SPATA13: variants seen among roughly 807,000 people sequenced by gnomAD.
SPATA13 encodes spermatogenesis associated 13.
In SPATA13, 50 loss-of-function variants were observed where a neutral mutation model predicts 104.0. The ratio of observed to expected loss-of-function variants is 0.48; its 90% confidence interval spans 0.38 to 0.61. The LOEUF (loss-of-function observed/expected upper bound fraction) is 0.61. Ranked by LOEUF, SPATA13 falls within the 20% of genes least tolerant of loss-of-function variation. SPATA13 has a pLI of 0.00. For synonymous variants in SPATA13, 606 were observed against 667.5 expected, an observed-to-expected ratio of 0.91 and a Z score of 1.42; for missense variants, 1,524 against 1,690.6, an observed-to-expected ratio of 0.90 and a Z score of 1.73.
intron 1 of SPATA13, among the ~76,000 whole-genome samples, chr13:24,202,523 T>A (rs113793313): frequency 9.1e-5 from 2 of 21,886 alleles, no homozygotes; most frequent in Non-Finnish European, 1.1e-4. Context: ...TCTTTCCCTT[T>A]TTTTTTTTTT....
intron 3 of SPATA13, among the ~76,000 whole-genome samples, chr13:24,062,446 C>T (rs529351499): frequency 3.3e-5 from 5 of 152,274 alleles, no homozygotes; most frequent in East Asian, 3.9e-4. Flanking sequence ...CCAGGGTGCA[C>T]GGTGCTGGGA....
intron 3 of SPATA13, among the ~76,000 whole-genome samples, chr13:24,144,746 G>T (rs1356847920): frequency 3.3e-5 from 5 of 152,092 alleles, no homozygotes; most frequent in African/African-American, 1.2e-4. Context: ...CTTGACCAGG[G>T]TCGGAAGAGG....
intron 3 of SPATA13, among the ~76,000 whole-genome samples, chr13:24,141,099 C>T (rs982299258): frequency 2.0e-5 from 3 of 151,228 alleles, no homozygotes; most frequent in Admixed American, 1.3e-4. Context: ...TGCTTGAACC[C>T]GGGAGGCAGA....
intron 3 of SPATA13, among the ~76,000 whole-genome samples, chr13:24,061,172 A>T (rs981291134): frequency 1.3e-5 from 2 of 152,228 alleles, no homozygotes; most frequent in East Asian, 3.8e-4. Context: ...CCACAGTGAG[A>T]TACTATCTCA....
At chr13:24,089,012 G>A (rs1879826199) in intron 3 of SPATA13, among the ~76,000 whole-genome samples, 1 of 152,210 alleles carries the variant, frequency 6.6e-6, no homozygotes, top group Non-Finnish European at 1.5e-5. Flanking sequence ...AAATGCTGAT[G>A]AGGATGGGAC....
chr13:24,017,108 G>A (rs1307505767), intron 2 of SPATA13, among the ~76,000 whole-genome samples: 1 of 152,162 alleles, frequency 6.6e-6, no homozygotes, highest in East Asian at 1.9e-4. Flanking sequence ...CTGGGCCAGG[G>A]CAGAGAGTTG....
At chr13:24,294,985 T>G in intron 10 of SPATA13, 117 bp downstream of exon 10, 1 of 1,036,832 alleles carries the variant, frequency 9.6e-7, no homozygotes, top group Non-Finnish European at 1.3e-6. Context: ...GCTTTAATGG[T>G]ACATATACCA....
intron 3 of SPATA13, among the ~76,000 whole-genome samples, chr13:24,091,256 C>A (rs1879901620): frequency 6.6e-6 from 1 of 152,230 alleles, no homozygotes; most frequent in Non-Finnish European, 1.5e-5. Flanking sequence ...GGCATACACA[C>A]AGCCGTGCAC....
upstream of SPATA13, among the ~76,000 whole-genome samples, chr13:24,160,358 G>A (rs1182342180): frequency 2.0e-5 from 3 of 152,154 alleles, no homozygotes; most frequent in Non-Finnish European, 4.4e-5. Context: ...TGATTCTCCT[G>A]CCTTAGCCTC....
rs1014586943 is a variant in SPATA13 at position 24,224,110 on chromosome 13, G to T, written c.1181G>T (p.Gly394Val). 3 of 1,551,386 alleles carry T rather than the reference G, an allele frequency of 1.9e-6. No homozygotes were observed. Among genetic ancestry groups the T allele is most frequent in the Non-Finnish European group, 2.6e-6 (3 of 1,146,994 alleles). ...TATCTVAPGFGSATSKGPHLD... is the reference protein window; with the variant it reads ...TATCTVAPGFVSATSKGPHLD... ...ACCTGCACCGTGGCCCCCGGTTTCG[G>T]CTCAGCCACCTCTAAGGGGCCCCAC... Residue 394 changes from glycine (G) to valine (V), a missense_variant, in exon 2 of 13, where the codon GGC becomes GTC. Gly to Val is a moderately radical substitution (Grantham distance 109). This residue lies in a region of SPATA13 where 1,089 missense variants were observed against 1,135.9 expected (regional missense o/e 0.96). Transcript: ENST00000382108.
chr13:24,078,817 T>C lies in SPATA13; in HGVS notation c.-112+61116T>C, dbSNP rs79807540. On this transcript the variant is annotated intron_variant, in intron 3 of 14. Coordinates refer to the SPATA13 transcript ENST00000424834. ...GTTCAGCCCTGGCTTGCTCATTCAT[T>C]TATTCATTCATCCCCCCATTCAGTC... Among the ~76,000 whole-genome samples the C allele has an allele frequency of 2.3e-3, 348 of 152,322 alleles. 7 individuals carry two copies. The East Asian group carries it at 0.033, about 15-fold the overall frequency.
At chr13:24,298,929 T>A (rs1876985071) in intron 11 of SPATA13, among the ~76,000 whole-genome samples, 1 of 152,084 alleles carries the variant, frequency 6.6e-6, no homozygotes, top group Admixed American at 6.5e-5. Context: ...GATACAGAGC[T>A]CCCCACATCA....
At chr13:24,036,045 A>G (rs926907583) in intron 3 of SPATA13, among the ~76,000 whole-genome samples, 2 of 152,010 alleles carry the variant, frequency 1.3e-5, no homozygotes, top group Non-Finnish European at 2.9e-5. Flanking sequence ...AAAGAAAGAA[A>G]AAACCTGAGG....
chr13:24,302,869 G>T lies in SPATA13; in HGVS notation c.*96G>T. On this transcript the variant is annotated 3_prime_UTR_variant, in exon 13 of 13. Transcript: ENST00000382108. The stretch of plus-strand genomic sequence containing the variant: ...ATCCAGGGAAAGTTTCTTGGACCCA[G>T]TGATAAAAACTTCCTTTTAGGGATC... 1 of 1,537,242 alleles carries T rather than the reference G, an allele frequency of 6.5e-7. No individual in the cohort carries two copies. Among genetic ancestry groups the T allele is most frequent in the Non-Finnish European group, 8.9e-7 (1 of 1,122,896 alleles).
At position 24,045,105 on chromosome 13, in the gene SPATA13, C is replaced by G. The variant is rs929217111; in HGVS notation, c.-112+27404C>G. On this transcript the variant is annotated intron_variant, in intron 3 of 14. Coordinates refer to the SPATA13 transcript ENST00000424834. Reference sequence around the variant, plus strand: ...CTTACAATGACATTTTTGAAAATCACCCTATGTATAATTTATATCACTCAT... The same window carrying G: ...CTTACAATGACATTTTTGAAAATCAGCCTATGTATAATTTATATCACTCAT... 2.4e-4 allele frequency among the ~76,000 whole-genome samples: 30 copies of G among 127,104 alleles called. 1 individual carries two copies. The highest frequency in any genetic ancestry group is 7.0e-4 in the Admixed American group (9 of 12,842). The allele number at this position is 127,104 out of a possible 152,430, so 83.4% of individuals were successfully genotyped here. A position where few individuals can be genotyped will look rare whatever the true frequency, so the allele number is the denominator to read the frequency against.
Position 24,286,144 on chromosome 13 carries a change from A to G in SPATA13, c.2302-70A>G, listed in dbSNP as rs1163258029. 11 of 1,442,562 alleles carry G rather than the reference A, an allele frequency of 7.6e-6. No individual in the cohort carries two copies. The highest frequency in any genetic ancestry group is 1.0e-5 in the Non-Finnish European group (11 of 1,058,368). 89.4% of individuals were successfully genotyped at this position (1,442,562 alleles called of 1,614,324 possible). ...TACCAGTGTCACCCTGAGAGAGTGC[A>G]CCTAGTGGCTCCCTCACCATCCCGC... On this transcript the variant is annotated intron_variant, in intron 5 of 12. Transcript: ENST00000382108. The surrounding 1 kb of genome is among the most constrained non-coding windows in gnomAD (Gnocchi z 4.9).
At chr13:24,144,209 C>T (rs939838374) in intron 3 of SPATA13, among the ~76,000 whole-genome samples, 8 of 152,106 alleles carry the variant, frequency 5.3e-5, no homozygotes, top group African/African-American at 1.2e-4. Context: ...TGTAGGTGGG[C>T]GAGTCAGGAC....
chr13:24,140,558 A>G (rs958730554), intron 3 of SPATA13, among the ~76,000 whole-genome samples: 4 of 152,200 alleles, frequency 2.6e-5, no homozygotes, highest in African/African-American at 4.8e-5. Context: ...GCCTCTCCCT[A>G]CAGAGTCAAA....
chr13:24,001,016 G>A (rs1210767169), intron 2 of SPATA13, among the ~76,000 whole-genome samples: 1 of 152,106 alleles, frequency 6.6e-6, no homozygotes, highest in East Asian at 1.9e-4. Flanking sequence ...GTTCTTGGCT[G>A]CTGTGCTCTG....
Sources: gnomAD v4.1 joint callset for allele counts (sites outside exome capture counted in the v4.1 genomes callset) on GRCh38, gnomAD v4.1.1 for gene constraint, gnomAD v4.1.1 regional missense constraint, Gnocchi (gnomAD v3.1) non-coding constraint, MANE v1.5 for transcripts, NCBI Gene and HGNC (gene_info 2026-07-23, HGNC 2026-07-21) for gene names.